Variants in DISP1 observed in about 807,000 individuals in gnomAD.
DISP1 encodes dispatched RND transporter family member 1.
In DISP1, 30 loss-of-function variants were observed where a neutral mutation model predicts 37.3. That is an observed-to-expected ratio of 0.80 (90% CI 0.60 to 1.09). The LOEUF is 1.09. DISP1 is among the 50% of genes least tolerant of loss of function. The probability of loss-of-function intolerance (pLI) is 0.00; values close to 1 mark genes in which losing one functional copy is unlikely to be tolerated. For synonymous variants in DISP1, 634 were observed against 690.2 expected (o/e 0.92, Z 1.28); for missense variants, 1,598 against 1,879.5 (o/e 0.85, Z 2.77).
chr1:222,940,620 T>A (rs1485679873), intron 2 of DISP1, among the ~76,000 whole-genome samples: 1 of 152,184 alleles, frequency 6.6e-6, no homozygotes, highest in Non-Finnish European at 1.5e-5. Context: ...ATTAAATACC[T>A]AGGAAAAAGT....
At chr1:222,993,113 G>A (rs531189430) in intron 7 of DISP1, among the ~76,000 whole-genome samples, 1 of 151,904 alleles carries the variant, frequency 6.6e-6, no homozygotes, top group African/African-American at 2.4e-5. Context: ...TGACCATACC[G>A]CCTTGACTTC....
At chr1:222,897,218 C>T (rs1447566571) in intron 1 of DISP1, among the ~76,000 whole-genome samples, 1 of 152,106 alleles carries the variant, frequency 6.6e-6, no homozygotes, top group Non-Finnish European at 1.5e-5. Context: ...AAAGACTTGG[C>T]ACAAAAGAGT....
chr1:222,872,939 C>A (rs1474546118), intron 1 of DISP1, among the ~76,000 whole-genome samples: 1 of 152,180 alleles, frequency 6.6e-6, no homozygotes, highest in African/African-American at 2.4e-5. Context: ...CTACACACTG[C>A]TTTGAATGAG....
At chr1:222,820,741 C>T (rs1662644238) in intron 1 of DISP1, among the ~76,000 whole-genome samples, 1 of 152,120 alleles carries the variant, frequency 6.6e-6, no homozygotes, top group South Asian at 2.1e-4. Flanking sequence ...ATAGTAATAC[C>T]TACCGTACAT....
chr1:222,997,664 A>G (rs538157210), intron 8 of DISP1, among the ~76,000 whole-genome samples: 57 of 152,304 alleles, frequency 3.7e-4, no homozygotes, highest in African/African-American at 1.1e-3. Context: ...CTGCTTGTCT[A>G]TCTTTCTACC....
chr1:222,826,656 G>C (rs1664529592), intron 1 of DISP1, among the ~76,000 whole-genome samples: 1 of 151,906 alleles, frequency 6.6e-6, no homozygotes, highest in Non-Finnish European at 1.5e-5. Context: ...CCAAAGTCCT[G>C]GTATTTATAG....
chr1:222,881,213 G>A (rs991375783), intron 1 of DISP1, among the ~76,000 whole-genome samples: 2 of 150,400 alleles, frequency 1.3e-5, no homozygotes, highest in African/African-American at 4.9e-5. Context: ...TATTTTTTTT[G>A]AGACACAGTT....
At chr1:222,912,642 T>G (rs1224170213) in intron 1 of DISP1, among the ~76,000 whole-genome samples, 1 of 152,192 alleles carries the variant, frequency 6.6e-6, no homozygotes, top group Non-Finnish European at 1.5e-5. Flanking sequence ...CTTGGTTTCC[T>G]CATTTGTTGA....
chr1:222,990,441 C>G (rs931973467), intron 4 of DISP1, among the ~76,000 whole-genome samples, 184 bp from the exon 5 acceptor site: 4 of 152,196 alleles, frequency 2.6e-5, no homozygotes, highest in African/African-American at 9.6e-5. Context: ...CAATTACATA[C>G]AAATATTTAT....
rs1478802964 is a variant in DISP1 at position 223,004,835 on chromosome 1, TA to T, written c.3444del (p.Lys1148AsnfsTer26). 1 of 1,610,422 alleles carries T rather than the reference TA, an allele frequency of 6.2e-7. No individual in the cohort carries two copies. The highest frequency in any genetic ancestry group is 2.2e-5 in the East Asian group (1 of 44,868). On this transcript the variant is annotated frameshift_variant, in exon 9 of 9. Coordinates refer to ENST00000675850, the MANE Select transcript of DISP1 (RefSeq NM_001377229.1). LOFTEE classifies it low-confidence loss of function (END_TRUNC). The surrounding 1 kb of genome is among the most constrained non-coding windows in gnomAD (Gnocchi z 4.9). The stretch of plus-strand genomic sequence containing the variant: ...GTACCTGTGGTCAGATTCCTTTACC[TA>T]AAAAACTACAGTGCAGTGCCTTTTC... ...QGTCGQIPLP[K>X]KLQCSAFSHA...
chr1:222,825,349 T>C (rs1274665536), intron 1 of DISP1, among the ~76,000 whole-genome samples: 1 of 152,184 alleles, frequency 6.6e-6, no homozygotes, highest in Non-Finnish European at 1.5e-5. Flanking sequence ...AAACATGTTG[T>C]ATACCATAAA....
Position 222,992,080 on chromosome 1 carries a change from C to T in DISP1, c.859C>T (p.His287Tyr), listed in dbSNP as rs778775128. The change falls in exon 7 of 9, where the codon CAC (histidine) becomes TAC (tyrosine). Residue 287 changes from histidine to tyrosine, a missense_variant. By Grantham distance (83) the His-to-Tyr change is moderately conservative (BLOSUM62 2). Coordinates refer to ENST00000675850, the MANE Select transcript of DISP1 (RefSeq NM_001377229.1). The stretch of plus-strand genomic sequence containing the variant: ...GAAAAGAGAAGTTGACTGGAACTTC[C>T]ACAAGGACAGCTTTTTCTGCGACGT... ...REKREVDWNF[H>Y]KDSFFCDVPS... The T allele has an allele frequency of 1.2e-6, 2 of 1,613,850 alleles. No homozygotes were observed. Among genetic ancestry groups the T allele is most frequent in the Non-Finnish European group, 1.7e-6 (2 of 1,179,854 alleles).
At chr1:222,968,290 AGAAAATAGATCCCCATTTT>A (rs1265274719) in intron 3 of DISP1, among the ~76,000 whole-genome samples, 1 of 152,192 alleles carries the variant, frequency 6.6e-6, no homozygotes, top group Non-Finnish European at 1.5e-5. Context: ...ATGAGGAATC[AGAAAATAGATCCCCATTTT>A]CCCACTATTC....
chr1:222,991,885 C>G, intron 6 of DISP1, 128 bp from the exon 7 acceptor site: 2 of 867,004 alleles, frequency 2.3e-6, no homozygotes, highest in South Asian at 3.0e-5. Context: ...GTTGCTTCTT[C>G]TAATCCTTTC....
Position 222,961,162 on chromosome 1 carries a change from C to T in DISP1, c.509+17830C>T, listed in dbSNP as rs190865999. Among the ~76,000 whole-genome samples, 159 of 152,038 alleles carry T rather than the reference C, an allele frequency of 1.0e-3. No individual in the cohort carries two copies. In the Middle Eastern group the frequency reaches 0.02, roughly 20 times the overall value. ...ATACCAAAACCAGGAGGAGACACAA[C>T]GAAAAAAAGAAAACTTCAAGCCAAT... On this transcript the variant is annotated intron_variant, in intron 3 of 8. Transcript: ENST00000675850.
chr1:222,982,999 A>T, intron 3 of DISP1, 81 bp from the exon 4 acceptor site: 2 of 1,051,620 alleles, frequency 1.9e-6, no homozygotes, highest in Non-Finnish European at 2.9e-6. Context: ...TGTTCAACAC[A>T]TATGTAAAGC....
chr1:222,929,547 T>C (rs1673271178), intron 2 of DISP1, among the ~76,000 whole-genome samples: 1 of 152,050 alleles, frequency 6.6e-6, no homozygotes, highest in African/African-American at 2.4e-5. Context: ...AAATGTGTCC[T>C]TTTTACTCAC....
chr1:222,957,145 TAAAAAAA>T (rs35888809), intron 3 of DISP1, among the ~76,000 whole-genome samples: 14 of 103,254 alleles, frequency 1.4e-4, no homozygotes, highest in South Asian at 3.6e-4. Context: ...TTTACTATTG[TAAAAAAA>T]AAAAAAAAAA....
rs1679704260 is a variant in DISP1, at chr1:223,004,197, A to T, written c.2800A>T (p.Thr934Ser). The T allele has an allele frequency of 1.2e-6, 2 of 1,614,092 alleles. No individual in the cohort carries two copies. Among genetic ancestry groups the T allele is most frequent in the Admixed American group, 1.7e-5 (1 of 60,000 alleles). ...AGAGTTCCAGAGTACCTACCTCTTC[A>T]CACTGGCTTATGAAAAGATGCATCA... is the stretch of plus-strand genomic sequence containing the variant. ...VLEFQSTYLF[T>S]LAYEKMHQFY... Residue 934 changes from threonine to serine, a missense_variant, in exon 9 of 9, where the codon ACA (threonine) becomes TCA (serine). Physicochemically the swap from Thr to Ser is moderately conservative, Grantham distance 58 (BLOSUM62 1). Transcript: ENST00000675850. This position sits in a 1 kb window ranked among gnomAD's most constrained non-coding sequence, Gnocchi z 4.9.
Sources: allele counts gnomAD v4.1 joint callset (sites outside exome capture counted in the v4.1 genomes callset), GRCh38; gene constraint gnomAD v4.1.1; non-coding constraint Gnocchi (gnomAD v3.1); transcripts MANE v1.5; gene names NCBI Gene and HGNC (gene_info 2026-07-23, HGNC 2026-07-21).